Variants in TLN2 observed in about 807,000 individuals in gnomAD.
The protein encoded by TLN2 is talin-2.
A neutral mutation model predicts 294.7 loss-of-function variants in TLN2; 118 were observed. The observed-to-expected ratio is 0.40, with a 90% confidence interval of 0.34 to 0.47. TLN2 has a LOEUF of 0.47. Among genes scored for constraint, TLN2 ranks in the 20% least tolerant of loss-of-function variants. The pLI, the probability that TLN2 is intolerant of heterozygous loss-of-function variation, is 0.84. For synonymous variants in TLN2, 1,431 were observed against 1,304.5 expected (o/e 1.10, Z -2.09); for missense variants, 3,083 against 3,282.2 (o/e 0.94, Z 1.48).
chr15:62,748,435 G>A lies in TLN2; in HGVS notation c.4110G>A (p.Arg1370=). The stretch of plus-strand genomic sequence containing the variant: ...AGAAAGAGTGCGATAATGCCCTGCG[G>A]GAGCTCGAGGTAGGTCCCTGGGAAG... ...PGQKECDNAL[R]ELETVKGMLD... is the part of the protein sequence containing the mutation. Residue 1370 remains arginine, a synonymous_variant, in exon 33 of 59, where the codon CGG becomes CGA. Transcript: ENST00000636159. 1 of 1,613,644 alleles carries A rather than the reference G, an allele frequency of 6.2e-7. No individual in the cohort carries two copies. Among genetic ancestry groups the A allele is most frequent in the Non-Finnish European group, 8.5e-7 (1 of 1,179,914 alleles).
chr15:62,756,831 C>T (rs1595891145), intron 37 of TLN2, among the ~76,000 whole-genome samples: 2 of 152,082 alleles, frequency 1.3e-5, no homozygotes, highest in East Asian at 1.9e-4. Context: ...TAGTTGGAAG[C>T]TGGCAGTCAG....
intron 1 of TLN2, among the ~76,000 whole-genome samples, chr15:62,486,580 A>G (rs1022878492): frequency 3.4e-5 from 5 of 145,402 alleles, no homozygotes; most frequent in Admixed American, 2.8e-4. Context: ...CAATTCATCT[A>G]TTTTTGTTGG....
At chr15:62,463,793 G>A (rs1285118566) in intron 1 of TLN2, among the ~76,000 whole-genome samples, 3 of 152,096 alleles carry the variant, frequency 2.0e-5, no homozygotes, top group East Asian at 1.9e-4. Flanking sequence ...AGGCTGAGGT[G>A]GGAGAATGGC....
chr15:62,815,262 T>C (rs1380889419), intron 52 of TLN2, among the ~76,000 whole-genome samples: 6 of 150,458 alleles, frequency 4.0e-5, no homozygotes, highest in Non-Finnish European at 7.4e-5. Context: ...CTCTGTTCTT[T>C]GGTCTCTGCA....
At chr15:62,615,505 T>C (rs2048244126) in intron 2 of TLN2, among the ~76,000 whole-genome samples, 1 of 152,232 alleles carries the variant, frequency 6.6e-6, no homozygotes. Flanking sequence ...TAGTCTACTG[T>C]ATATGCATCT....
chr15:62,559,391 A>G (rs377191475), intron 1 of TLN2, among the ~76,000 whole-genome samples: 4 of 152,162 alleles, frequency 2.6e-5, no homozygotes, highest in African/African-American at 4.8e-5. Context: ...GGGATTATCA[A>G]TGTTGTCCCC....
chr15:62,647,694 C>T (rs2052052379), intron 4 of TLN2, among the ~76,000 whole-genome samples: 1 of 152,190 alleles, frequency 6.6e-6, no homozygotes, highest in African/African-American at 2.4e-5. Context: ...GAGGATTATG[C>T]TCTGCGGTTT....
intron 1 of TLN2, among the ~76,000 whole-genome samples, chr15:62,475,444 A>C (rs562971396): frequency 6.6e-6 from 1 of 152,338 alleles, no homozygotes; most frequent in East Asian, 1.9e-4. Context: ...CGAAGCTAGA[A>C]TGCAGGGGAA....
intron 1 of TLN2, among the ~76,000 whole-genome samples, chr15:62,457,173 T>C (rs1180943235): frequency 6.6e-6 from 1 of 152,202 alleles, no homozygotes; most frequent in Non-Finnish European, 1.5e-5. Flanking sequence ...ATCAGGGTGC[T>C]AGCATGATTG....
chr15:62,811,762 A>G (rs1255821606), intron 52 of TLN2, among the ~76,000 whole-genome samples: 1 of 152,126 alleles, frequency 6.6e-6, no homozygotes, highest in Non-Finnish European at 1.5e-5. Context: ...CCTGAATCCC[A>G]GCACTTTGGG....
Position 62,819,508 on chromosome 15 carries a change from A to C in TLN2, c.6772-8A>C. On this transcript the variant is annotated splice_polypyrimidine_tract_variant and splice_region_variant and intron_variant, in intron 52 of 58. Transcript: ENST00000636159. ...CCCTCATGCCTCTGACTTGTTCTTC[A>C]CCTGTAGATTCTTCAGAAACCAACC... The C allele has an allele frequency of 6.2e-7, 1 of 1,612,074 alleles. No individual in the cohort carries two copies. The highest frequency in any genetic ancestry group is 8.5e-7 in the Non-Finnish European group (1 of 1,178,358).
chr15:62,599,930 A>G (rs1335136179), intron 2 of TLN2, among the ~76,000 whole-genome samples: 1 of 152,174 alleles, frequency 6.6e-6, no homozygotes, highest in Non-Finnish European at 1.5e-5. Flanking sequence ...GGAGGATACA[A>G]TGACTTGGGC....
chr15:62,740,938 G>T (rs576686052), intron 32 of TLN2, among the ~76,000 whole-genome samples, 169 bp downstream of exon 32: 7 of 152,244 alleles, frequency 4.6e-5, no homozygotes, highest in Admixed American at 2.0e-4. Context: ...TATAAAACTG[G>T]CTCATTTCCA....
chr15:62,772,087 C>G (rs1214641485), intron 42 of TLN2, among the ~76,000 whole-genome samples: 1 of 152,136 alleles, frequency 6.6e-6, no homozygotes, highest in Non-Finnish European at 1.5e-5. Flanking sequence ...GCCACCATAT[C>G]TGGCTAGCCT....
At chr15:62,664,875 A>AAAAAAAAAAAAAAAAAAAAAAAAAAAG (rs1555462003) in intron 9 of TLN2, among the ~76,000 whole-genome samples, 2 of 146,488 alleles carry the variant, frequency 1.4e-5, no homozygotes, top group African/African-American at 5.3e-5. Context: ...AAAAAAAAAA[A>AAAAAAAAAAAAAAAAAAAAAAAAAAAG]AAAGTGGCTA....
intron 21 of TLN2, 145 bp from the exon 22 acceptor site, chr15:62,711,766 G>T (rs777427227): frequency 2.0e-5 from 16 of 811,902 alleles, no homozygotes; most frequent in Non-Finnish European, 2.9e-5. Flanking sequence ...TAATTTGGAT[G>T]CATGGCTTAG....
At position 62,840,645 on chromosome 15, in the gene TLN2, G is replaced by A. The variant is rs758817867; in HGVS notation, c.*35G>A. ...CCCAGATGGCGAGCCCCAGGGGATG[G>A]CCCTGGCTGAACTGGACAGACAGTG... is the stretch of plus-strand genomic sequence containing the variant. On this transcript the variant is annotated 3_prime_UTR_variant, in exon 59 of 59. Transcript: ENST00000636159. 1 of 1,607,222 alleles carries A rather than the reference G, an allele frequency of 6.2e-7. No homozygotes were observed. Among genetic ancestry groups the A allele is most frequent in the Admixed American group, 1.7e-5 (1 of 59,082 alleles).
chr15:62,661,480 T>C (rs567581421), intron 9 of TLN2, among the ~76,000 whole-genome samples: 1 of 151,814 alleles, frequency 6.6e-6, no homozygotes, highest in South Asian at 2.1e-4. Context: ...CCAGTAGGGG[T>C]AGGAGGGAAG....
chr15:62,612,086 C>T (rs1421969922), intron 2 of TLN2, among the ~76,000 whole-genome samples: 3 of 151,640 alleles, frequency 2.0e-5, no homozygotes, highest in Non-Finnish European at 4.4e-5. Context: ...TCTAAACCGC[C>T]CCCTGACCCA....
Sources: gnomAD v4.1 joint callset for allele counts (sites outside exome capture counted in the v4.1 genomes callset) on GRCh38, gnomAD v4.1.1 for gene constraint, MANE v1.5 for transcripts, NCBI Gene and HGNC (gene_info 2026-07-23, HGNC 2026-07-21) for gene names.